Variants in MYO18B observed in about 807,000 individuals in gnomAD.
MYO18B encodes the protein unconventional myosin-XVIIIb.
Under a neutral mutation model 273.0 loss-of-function variants are expected in MYO18B, and 204 were observed. The observed-to-expected ratio is 0.75, with a 90% CI of 0.67 to 0.84. The LOEUF (loss-of-function observed/expected upper bound fraction) is 0.84, where lower values mean the gene tolerates loss of function less well. Among genes scored for constraint, MYO18B ranks in the 40% least tolerant of loss-of-function variants. MYO18B has a pLI of 0.00. For missense variants in MYO18B, 3,212 were observed against 3,287.6 expected (o/e 0.98, Z 0.56); for synonymous variants, 1,330 against 1,305.7 (o/e 1.02, Z -0.40).
At chr22:26,012,960 T>C (rs150583180) in intron 42 of MYO18B, among the ~76,000 whole-genome samples, 1 of 152,310 alleles carries the variant, frequency 6.6e-6, no homozygotes, top group Non-Finnish European at 1.5e-5. Context: ...AACTTCCTTG[T>C]GCCCATTCAA....
chr22:25,875,679 G>A (rs1207475974), intron 23 of MYO18B, among the ~76,000 whole-genome samples: 1 of 152,212 alleles, frequency 6.6e-6, no homozygotes, highest in East Asian at 1.9e-4. Context: ...GGTTTAACAA[G>A]CCCTCCAGGG....
intron 30 of MYO18B, chr22:25,903,014 A>C: frequency 2.7e-6 from 1 of 369,990 alleles, no homozygotes; most frequent in Non-Finnish European, 5.1e-6. Context: ...TCAGCAGAGA[A>C]TGAGTTAGCT....
chr22:25,807,039 G>A (rs929595849), intron 12 of MYO18B, among the ~76,000 whole-genome samples: 2 of 152,212 alleles, frequency 1.3e-5, no homozygotes, highest in Non-Finnish European at 2.9e-5. Flanking sequence ...AAGCATTTTG[G>A]TTGTCATTTC....
At position 25,751,541 on chromosome 22, in the gene MYO18B, G is replaced by A. The variant is rs534268100; in HGVS notation, c.-110+9248G>A. 5.6e-4 allele frequency among the ~76,000 whole-genome samples: 86 copies of A among 152,312 alleles called. 1 individual carries two copies. The South Asian group carries it at 0.017, about 30-fold the overall frequency. ...CATCACTGATGTGGAGCTTTGATGG[G>A]AAGCTGAGCATGTGTGGGAGGAGTC... On this transcript the variant is annotated intron_variant, in intron 1 of 43. Coordinates refer to ENST00000335473, the MANE Select transcript of MYO18B (RefSeq NM_032608.7).
At chr22:26,044,034 G>A in the MYO18B span, among the ~76,000 whole-genome samples, 1 of 152,158 alleles carries the variant, frequency 6.6e-6, no homozygotes, top group African/African-American at 2.4e-5. Context: ...CCATTATGGT[G>A]GGTGTATAGC....
In MYO18B at chr22:25,799,028, T is replaced by C. The variant is rs139606954; in HGVS notation, c.2521+931T>C. Among the ~76,000 whole-genome samples, 7 of 152,238 alleles carry C rather than the reference T, an allele frequency of 4.6e-5. No homozygotes were observed. In the East Asian group the frequency reaches 1.4e-3, roughly 29 times the overall value. On this transcript the variant is annotated intron_variant, in intron 12 of 43. Coordinates refer to ENST00000335473, the MANE Select transcript of MYO18B (RefSeq NM_032608.7). ...TGCCATCCCCCTAGTTCTTACCCTC[T>C]CCGTATCCAATCATTCACTATGTTC...
At chr22:26,054,665 G>A in the MYO18B span, among the ~76,000 whole-genome samples, 1 of 152,294 alleles carries the variant, frequency 6.6e-6, no homozygotes, top group Admixed American at 6.5e-5. Flanking sequence ...GATAAACAGA[G>A]CTGAGAGCAC....
At chr22:25,872,159 G>A (rs1274549782) in intron 22 of MYO18B, among the ~76,000 whole-genome samples, 2 of 152,182 alleles carry the variant, frequency 1.3e-5, no homozygotes, top group Non-Finnish European at 2.9e-5. Flanking sequence ...AACAGAGTTA[G>A]TACCAACTGG....
the MYO18B span, among the ~76,000 whole-genome samples, chr22:26,043,511 CTTTTT>C: frequency 8.1e-6 from 1 of 123,032 alleles, no homozygotes; most frequent in African/African-American, 3.2e-5. Flanking sequence ...TTTTTTCTTT[CTTTTT>C]TTTTTTTTTT....
At chr22:25,842,985 G>A (rs1162186652) in intron 17 of MYO18B, among the ~76,000 whole-genome samples, 6 of 152,074 alleles carry the variant, frequency 3.9e-5, no homozygotes, top group Admixed American at 6.6e-5. Flanking sequence ...TTATGTGCCC[G>A]GACACTATAC....
At chr22:25,944,568 G>A (rs1177091329) in intron 34 of MYO18B, among the ~76,000 whole-genome samples, 5 of 152,184 alleles carry the variant, frequency 3.3e-5, no homozygotes, top group Non-Finnish European at 5.9e-5. Context: ...AGCTGAGTTA[G>A]GCTGGGCATG....
chr22:25,951,238 T>G (rs144870947), intron 37 of MYO18B, among the ~76,000 whole-genome samples: 1 of 152,354 alleles, frequency 6.6e-6, no homozygotes, highest in East Asian at 1.9e-4. Flanking sequence ...AAGTTGACAC[T>G]CAGTATTAAC....
intron 12 of MYO18B, among the ~76,000 whole-genome samples, chr22:25,804,220 G>A (rs1419000586): frequency 6.6e-6 from 1 of 151,978 alleles, no homozygotes; most frequent in African/African-American, 2.4e-5. Flanking sequence ...TCTCCACCTG[G>A]CCACCAGAGT....
At position 25,898,368 on chromosome 22, in the gene MYO18B, A is replaced by G. The variant is rs1177575756; in HGVS notation, c.4730A>G (p.Lys1577Arg). ...AAGATGGCTCACCAACTGAAGAGGA[A>G]GTGCCACCATCTTACCTGTGACCTT... ...AKKMAHQLKR[K>R]CHHLTCDLED... Residue 1577 changes from lysine (K) to arginine (R), a missense_variant, in exon 29 of 44, where the codon AAG becomes AGG. Physicochemically the swap from Lys to Arg is conservative, Grantham distance 26 (BLOSUM62 2). Transcript: ENST00000335473. 9.3e-6 allele frequency: 15 copies of G among 1,613,954 alleles called. No homozygotes were observed. In the East Asian group the frequency reaches 2.0e-4, roughly 22 times the overall value.
chr22:26,018,513 T>C (rs749878497), intron 42 of MYO18B, among the ~76,000 whole-genome samples: 6 of 152,200 alleles, frequency 3.9e-5, no homozygotes, highest in Non-Finnish European at 8.8e-5. Flanking sequence ...TATCAGCCCT[T>C]GCTGGTCAAG....
At chr22:25,992,156 T>C (rs2093276785) in intron 39 of MYO18B, among the ~76,000 whole-genome samples, 1 of 152,168 alleles carries the variant, frequency 6.6e-6, no homozygotes, top group South Asian at 2.1e-4. Context: ...CCCTGGAGTA[T>C]CTATTCCCTC....
rs1402647942 is a variant in MYO18B at position 25,851,519 on chromosome 22, G to T, written c.3825G>T (p.Val1275=). 3.2e-6 allele frequency: 5 copies of T among 1,561,296 alleles called. No homozygotes were observed. The Admixed American group carries it at 9.6e-5, about 30-fold the overall frequency. ...GLTRFRRQFQ[V]LDAPLLKKLM... is the part of the protein sequence containing the mutation. ...CTCGCTTCCGCCGGCAATTCCAGGT[G>T]CTGGACGCTCCACTCCTGAAGAAGC... The change falls in exon 21 of 44, where the codon GTG becomes GTT. Residue 1275 remains valine, a synonymous_variant. Coordinates refer to ENST00000335473, the MANE Select transcript of MYO18B (RefSeq NM_032608.7).
intron 39 of MYO18B, among the ~76,000 whole-genome samples, chr22:25,970,457 C>T (rs1169517722): frequency 6.6e-6 from 1 of 152,146 alleles, no homozygotes; most frequent in Non-Finnish European, 1.5e-5. Flanking sequence ...TGAGTGTCAG[C>T]TTCATTGGAA....
At chr22:26,022,326 T>C (rs1935891945) in intron 42 of MYO18B, among the ~76,000 whole-genome samples, 1 of 151,288 alleles carries the variant, frequency 6.6e-6, no homozygotes, top group African/African-American at 2.4e-5. Flanking sequence ...AGGATGTGTT[T>C]GAAGTGTCCA....
Sources: allele counts gnomAD v4.1 joint callset (sites outside exome capture counted in the v4.1 genomes callset), GRCh38; gene constraint gnomAD v4.1.1; transcripts MANE v1.5; gene names NCBI Gene and HGNC (gene_info 2026-07-23, HGNC 2026-07-21).